The following RHBDL3 variants were observed in gnomAD, a reference collection of about 807,000 sequenced individuals.
RHBDL3 encodes rhomboid-related protein 3.
Under a neutral mutation model 48.2 loss-of-function variants are expected in RHBDL3, and 28 were observed. That is an observed-to-expected ratio of 0.58 (90% confidence interval 0.43 to 0.80). The LOEUF (loss-of-function observed/expected upper bound fraction) is 0.80, where lower values mean the gene tolerates loss of function less well. Among genes scored for constraint, RHBDL3 ranks in the 30% least tolerant of loss-of-function variants. RHBDL3 has a pLI of 0.00. For missense variants in RHBDL3, 464 were observed against 542.7 expected (o/e 0.85, Z 1.44); for synonymous variants, 208 against 232.3 (o/e 0.90, Z 0.95).
intron 6 of RHBDL3, among the ~76,000 whole-genome samples, chr17:32,299,171 C>T (rs527663553): frequency 6.6e-6 from 1 of 150,846 alleles, no homozygotes; most frequent in African/African-American, 2.4e-5. Flanking sequence ...TTAAAGTTGT[C>T]ATCAGGAGAG....
intron 2 of RHBDL3, among the ~76,000 whole-genome samples, chr17:32,283,512 A>C (rs1487241684): frequency 6.6e-6 from 1 of 151,314 alleles, no homozygotes; most frequent in East Asian, 1.9e-4. Context: ...TTTAGTAGAG[A>C]CGGGGTTTCA....
chr17:32,320,997 A>C lies in RHBDL3; in HGVS notation c.983A>C (p.His328Pro). The C allele has an allele frequency of 6.2e-7, 1 of 1,613,688 alleles. No individual in the cohort carries two copies. The highest frequency in any genetic ancestry group is 8.5e-7 in the Non-Finnish European group (1 of 1,179,976). Residue 328 changes from histidine (H) to proline (P), a missense_variant, in exon 9 of 9, where the codon CAC (histidine) becomes CCC (proline). By Grantham distance (77) the His-to-Pro change is moderately conservative. Coordinates refer to ENST00000269051, the MANE Select transcript of RHBDL3 (RefSeq NM_138328.3). Reference sequence around the variant, plus strand: ...GGGCGGGCCGTGTGGCTCCGCTTCCACCCGTCGGCCTATCCCCCGTGCCCT... The same window carrying C: ...GGGCGGGCCGTGTGGCTCCGCTTCCCCCCGTCGGCCTATCCCCCGTGCCCT... ...EFGRAVWLRF[H>P]PSAYPPCPHP...
intron 2 of RHBDL3, among the ~76,000 whole-genome samples, chr17:32,277,114 C>T (rs1337668262): frequency 6.6e-6 from 1 of 152,226 alleles, no homozygotes; most frequent in Non-Finnish European, 1.5e-5. Context: ...TCTCCACCTT[C>T]CTGACTCAAG....
chr17:32,294,338 A>G lies in RHBDL3; in HGVS notation c.564A>G (p.Val188=). The stretch of plus-strand genomic sequence containing the variant: ...ATGGGGTGTCACTAGGTCAATTTGT[A>G]CTGCAGGTAACTCATCCACGTTACT... ...LYNGVSLGQF[V]LQVTHPRYLK... Residue 188 remains valine, a synonymous_variant, in exon 5 of 9, where the codon GTA becomes GTG. Transcript: ENST00000269051. The G allele has an allele frequency of 1.2e-6, 2 of 1,613,896 alleles. No individual in the cohort carries two copies. Among genetic ancestry groups the G allele is most frequent in the Non-Finnish European group, 1.7e-6 (2 of 1,179,914 alleles).
chr17:32,293,012 A>G (rs943447014), intron 4 of RHBDL3, among the ~76,000 whole-genome samples: 2 of 152,114 alleles, frequency 1.3e-5, no homozygotes, highest in Non-Finnish European at 2.9e-5. Context: ...TCATTCTGAC[A>G]CATGCTACAC....
chr17:32,312,072 T>C (rs1237827786), intron 7 of RHBDL3, among the ~76,000 whole-genome samples: 1 of 152,220 alleles, frequency 6.6e-6, no homozygotes, highest in Non-Finnish European at 1.5e-5. Flanking sequence ...GAGCTGTCCA[T>C]ACATTCTAAC....
At chr17:32,270,771 C>A (rs2039753379) in intron 2 of RHBDL3, among the ~76,000 whole-genome samples, 1 of 152,154 alleles carries the variant, frequency 6.6e-6, no homozygotes. Context: ...GTGTTCATGT[C>A]CTGTTCAAAC....
chr17:32,287,275 A>G (rs1409084127), intron 3 of RHBDL3, among the ~76,000 whole-genome samples: 1 of 152,124 alleles, frequency 6.6e-6, no homozygotes, highest in Non-Finnish European at 1.5e-5. Context: ...GTGCAGGTGC[A>G]TCCTCAGGGA....
chr17:32,294,023 G>T (rs1278500929), intron 4 of RHBDL3, among the ~76,000 whole-genome samples: 1 of 151,950 alleles, frequency 6.6e-6, no homozygotes, highest in African/African-American at 2.4e-5. Context: ...AGCTACTCAG[G>T]AGGCTGAGGC....
intron 2 of RHBDL3, 29 bp from the exon 3 acceptor site, chr17:32,284,630 G>C: frequency 6.2e-7 from 1 of 1,609,790 alleles, no homozygotes; most frequent in Non-Finnish European, 8.5e-7. Context: ...GTGCCCTGCT[G>C]ACCCTGCTGC....
intron 1 of RHBDL3, chr17:32,267,674 C>CAAA: frequency 2.3e-6 from 2 of 862,948 alleles, no homozygotes; most frequent in Non-Finnish European, 3.0e-6. Context: ...GCCCCCACCC[C>CAAA]ATCCCTTACT....
rs769548821 is a variant in RHBDL3 at position 32,284,739 on chromosome 17, G to T, written c.216G>T (p.Pro72=). 8 of 1,613,792 alleles carry T rather than the reference G, an allele frequency of 5.0e-6. No individual in the cohort carries two copies. The East Asian group carries it at 1.6e-4, about 31-fold the overall frequency. Residue 72 remains proline (P), a synonymous_variant, in exon 3 of 9, where the codon CCG becomes CCT. Coordinates refer to ENST00000269051, the MANE Select transcript of RHBDL3 (RefSeq NM_138328.3). ...LLESHSSKLD[P]HKREVLLALA... is the part of the protein sequence containing the mutation. Reference sequence around the variant, plus strand: ...AGAGCCACAGCTCCAAGCTGGACCCGCACAAAAGGGAGGTCCTCCTGGCTC... The same window carrying T: ...AGAGCCACAGCTCCAAGCTGGACCCTCACAAAAGGGAGGTCCTCCTGGCTC...
chr17:32,313,567 C>T (rs1031819871), intron 7 of RHBDL3, among the ~76,000 whole-genome samples: 1 of 151,918 alleles, frequency 6.6e-6, no homozygotes, highest in Admixed American at 6.6e-5. Flanking sequence ...CAATGACTCC[C>T]CACCCCCTCC....
At chr17:32,303,788 G>A (rs1354410985) in intron 6 of RHBDL3, among the ~76,000 whole-genome samples, 1 of 152,110 alleles carries the variant, frequency 6.6e-6, no homozygotes, top group East Asian at 1.9e-4. Flanking sequence ...AGTTTATCAG[G>A]GGGCTCTGCT....
At chr17:32,320,853 G>A in intron 8 of RHBDL3, 105 bp from the exon 9 acceptor site, 2 of 782,098 alleles carry the variant, frequency 2.6e-6, no homozygotes, top group Non-Finnish European at 4.3e-6. Context: ...AGAGAATGGT[G>A]CTTGGCCTAA....
intron 7 of RHBDL3, among the ~76,000 whole-genome samples, chr17:32,314,102 A>G (rs945692648): frequency 5.3e-5 from 8 of 151,822 alleles, no homozygotes; most frequent in Admixed American, 1.3e-4. Flanking sequence ...GCAGGTGACA[A>G]CGTTATCCTG....
intron 6 of RHBDL3, among the ~76,000 whole-genome samples, chr17:32,305,105 T>C (rs766567030): frequency 1.5e-5 from 2 of 134,210 alleles, no homozygotes; most frequent in Non-Finnish European, 3.1e-5. Flanking sequence ...GTGACAGAGT[T>C]AGACCTTGTC....
intron 6 of RHBDL3, among the ~76,000 whole-genome samples, chr17:32,299,641 C>T (rs182046778): frequency 4.1e-4 from 63 of 152,264 alleles, no homozygotes; most frequent in African/African-American, 1.5e-3. Flanking sequence ...ACCTAGAAGA[C>T]AAAAATAAGA....
In RHBDL3 at chr17:32,321,645, A is replaced by G; in HGVS notation, c.*416A>G. ...GGAAGGCTCGAAGGTTGTTGCGTCC[A>G]GGCATGGCCCCTCTCTAGCTCAGAA... On this transcript the variant is annotated 3_prime_UTR_variant, in exon 9 of 9. Transcript: ENST00000269051. The G allele has an allele frequency of 3.1e-6, 1 of 324,884 alleles. No individual in the cohort carries two copies. 20.1% of individuals were successfully genotyped at this position (324,884 alleles called of 1,614,324 possible).
Sources: gnomAD v4.1 joint callset for allele counts (sites outside exome capture counted in the v4.1 genomes callset) on GRCh38, gnomAD v4.1.1 for gene constraint, MANE v1.5 for transcripts, NCBI Gene and HGNC (gene_info 2026-07-23, HGNC 2026-07-21) for gene names.